Variants in FBXO10 observed in about 807,000 individuals in gnomAD.
FBXO10 encodes the protein F-box protein 10.
In FBXO10, 39 loss-of-function variants were observed where a neutral mutation model predicts 80.7. That is an observed-to-expected ratio of 0.48 (90% CI 0.37 to 0.63). FBXO10 has a LOEUF of 0.63. FBXO10 is among the 30% of genes least tolerant of loss of function. FBXO10 has a pLI of 0.00. For missense variants in FBXO10, 1,025 were observed against 1,269.0 expected (o/e 0.81, Z 2.92); for synonymous variants, 449 against 489.6 (o/e 0.92, Z 1.09).
chr9:37,539,178 G>A lies in FBXO10; in HGVS notation c.586-1235C>T, dbSNP rs538544624. Among the ~76,000 whole-genome samples the A allele has an allele frequency of 2.6e-5, 4 of 152,286 alleles. No individual in the cohort carries two copies. In the East Asian group the frequency reaches 7.7e-4, roughly 29 times the overall value. ...TTTTAAAATTGACCTTTGATAGATTGTCCCAGAATTTAAGCCCCCTTAACT... is the reference window on the plus strand; with the variant it reads ...TTTTAAAATTGACCTTTGATAGATTATCCCAGAATTTAAGCCCCCTTAACT... On this transcript the variant is annotated intron_variant, in intron 2 of 10. Coordinates refer to ENST00000432825, the MANE Select transcript of FBXO10 (RefSeq NM_012166.3).
At chr9:37,519,028 G>A (rs923470268) in intron 8 of FBXO10, among the ~76,000 whole-genome samples, 4 of 151,760 alleles carry the variant, frequency 2.6e-5, no homozygotes, top group Non-Finnish European at 4.4e-5. Flanking sequence ...TTCTGCCTCA[G>A]CCTCCTGAGT....
Position 37,537,245 on chromosome 9 carries a change from C to T in FBXO10, c.1284G>A (p.Gln428=), listed in dbSNP as rs762337515. ...AGAGGCACTTGCGGATGAGGCAGCC[C>T]TGCACGGAGTTGGCCAGTGCCATGG... ...KEAMALANSV[Q]GCLIRKCLFR... is the part of the protein sequence containing the mutation. The change falls in exon 3 of 11, where the codon CAG becomes CAA. Residue 428 remains glutamine, a synonymous_variant. Coordinates refer to ENST00000432825, the MANE Select transcript of FBXO10 (RefSeq NM_012166.3). 4 of 1,613,918 alleles carry T rather than the reference C, an allele frequency of 2.5e-6. No individual in the cohort carries two copies. In the East Asian group the frequency reaches 6.7e-5, roughly 27 times the overall value.
intron 4 of FBXO10, among the ~76,000 whole-genome samples, chr9:37,530,627 T>C (rs181791686): frequency 6.6e-6 from 1 of 152,310 alleles, no homozygotes; most frequent in Admixed American, 6.5e-5. Flanking sequence ...TTTCTTTTTC[T>C]TTTTTTGAGA....
At chr9:37,534,082 C>T (rs80095097) in intron 3 of FBXO10, among the ~76,000 whole-genome samples, 2,990 of 151,950 alleles carry the variant, frequency 0.02, 84 homozygotes, top group African/African-American at 0.068. Context: ...GAACCAAGCC[C>T]CCACGGATAC....
chr9:37,575,122 C>A (rs1312276044), intron 1 of FBXO10, among the ~76,000 whole-genome samples: 2 of 152,096 alleles, frequency 1.3e-5, no homozygotes, highest in African/African-American at 4.8e-5. Flanking sequence ...GACAGTCAAT[C>A]ACCGTACTGT....
In FBXO10 at chr9:37,573,089, G is replaced by A. The variant is rs1822801402; in HGVS notation, c.-7+3122C>T. 1.3e-5 allele frequency among the ~76,000 whole-genome samples: 2 copies of A among 152,136 alleles called. 1 individual carries two copies. The highest frequency in any genetic ancestry group is 2.9e-5 in the Non-Finnish European group (2 of 68,030). ...TCCTGGGGTAGCTATCTTGTTGAAG[G>A]CTGTCATTCCTGAGAATCATCGGTA... On this transcript the variant is annotated intron_variant, in intron 1 of 10. Coordinates refer to ENST00000432825, the MANE Select transcript of FBXO10 (RefSeq NM_012166.3).
intron 1 of FBXO10, among the ~76,000 whole-genome samples, chr9:37,568,737 T>C (rs1187196300): frequency 1.3e-5 from 2 of 151,880 alleles, no homozygotes; most frequent in Non-Finnish European, 2.9e-5. Context: ...TCAGAGTTCA[T>C]GTGGTCTAAG....
In FBXO10 at chr9:37,512,330, A is replaced by G. The variant is rs1564329733; in HGVS notation, c.*217T>C. 6 of 462,300 alleles carry G rather than the reference A, an allele frequency of 1.3e-5. No homozygotes were observed. Among genetic ancestry groups the G allele is most frequent in the Non-Finnish European group, 1.9e-5 (5 of 263,286 alleles). The allele number at this position is 462,300 out of a possible 1,614,324, so 28.6% of individuals were successfully genotyped here. Reference sequence around the variant, plus strand: ...CTTTATAGACTTCGAGTGACTGGAAACCCACCAGCTTCTATCCCTTCTCCC... The same window carrying G: ...CTTTATAGACTTCGAGTGACTGGAAGCCCACCAGCTTCTATCCCTTCTCCC... On this transcript the variant is annotated 3_prime_UTR_variant, in exon 11 of 11. Transcript: ENST00000432825.
intron 1 of FBXO10, among the ~76,000 whole-genome samples, chr9:37,561,937 A>AGATCACTGGTGAAGGTGAGATCACTG (rs1456089399): frequency 1.3e-5 from 2 of 152,162 alleles, no homozygotes; most frequent in Non-Finnish European, 2.9e-5. Flanking sequence ...CTGGTGAAGG[A>AGATCACTGGTGAAGGTGAGATCACTG]GTTAAGAGAG....
chr9:37,537,425 GT>G lies in FBXO10; in HGVS notation c.1103del (p.Asp368AlafsTer3). The G allele has an allele frequency of 6.2e-7, 1 of 1,600,412 alleles. No homozygotes were observed. The highest frequency in any genetic ancestry group is 8.5e-7 in the Non-Finnish European group (1 of 1,173,222). ...LSPSGEDEDE[D>X]QLMYRLSYQV... ...GGTAGGATAGTCTGTACATCAGCTG[GT>G]CCTCATCTTCATCCTCACCGCTGGG... On this transcript the variant is annotated frameshift_variant, in exon 3 of 11. Transcript: ENST00000432825. LOFTEE classifies it high-confidence loss of function.
In FBXO10 at chr9:37,553,012, TTGTGTGTGTGTG is replaced by T. The variant is rs74171513; in HGVS notation, c.-6-11250_-6-11239del. Among the ~76,000 whole-genome samples the T allele has an allele frequency of 4.1e-3, 593 of 144,466 alleles. 5 individuals are homozygous for T. The highest frequency in any genetic ancestry group is 0.012 in the African/African-American group (484 of 39,238). The allele number at this position is 144,466 out of a possible 152,430, so 94.8% of individuals were successfully genotyped here. ...AGACCACAGCAGTGACCAATTCAGG[TTGTGTGTGTGTG>T]TGTGTGTGTGTGTGTGTGTGTGTGT... On this transcript the variant is annotated intron_variant, in intron 1 of 10. Coordinates refer to ENST00000432825, the MANE Select transcript of FBXO10 (RefSeq NM_012166.3).
intron 8 of FBXO10, among the ~76,000 whole-genome samples, chr9:37,520,027 G>A (rs1821291953): frequency 6.6e-6 from 1 of 152,000 alleles, no homozygotes; most frequent in Admixed American, 6.6e-5. Context: ...AGAGATTGAG[G>A]TCTCTCTATG....
chr9:37,518,011 G>A (rs1821228637), intron 9 of FBXO10, 114 bp downstream of exon 9: 8 of 1,115,838 alleles, frequency 7.2e-6, no homozygotes, highest in Admixed American at 4.9e-5. Context: ...GAGGGATACT[G>A]TCCCTTGTAG....
chr9:37,567,746 T>C (rs1822646160), intron 1 of FBXO10, among the ~76,000 whole-genome samples: 1 of 152,048 alleles, frequency 6.6e-6, no homozygotes, highest in African/African-American at 2.4e-5. Context: ...GCCAGGCTGG[T>C]CTTGAACTCC....
intron 5 of FBXO10, 48 bp downstream of exon 5, chr9:37,529,075 GA>G (rs780574347): frequency 1.2e-6 from 2 of 1,610,616 alleles, no homozygotes; most frequent in Admixed American, 3.3e-5. Flanking sequence ...ATGGAGGAGA[GA>G]CAGGGAGGAG....
rs149651132 is a variant in FBXO10, at chr9:37,572,480, C to T, written c.-7+3731G>A. 1.6e-3 allele frequency among the ~76,000 whole-genome samples: 249 copies of T among 152,270 alleles called. 3 individuals are homozygous for T. Among genetic ancestry groups the T allele is most frequent in the Non-Finnish European group, 4.3e-4 (29 of 68,014 alleles). On this transcript the variant is annotated intron_variant, in intron 1 of 10. Coordinates refer to ENST00000432825, the MANE Select transcript of FBXO10 (RefSeq NM_012166.3). ...ATTGTGACACAGCCATACCATGAAA[C>T]ACTGTTGGCAACGAAAATAAGTGAG... is the stretch of plus-strand genomic sequence containing the variant.
At chr9:37,533,646 G>A (rs1014315353) in intron 3 of FBXO10, among the ~76,000 whole-genome samples, 8 of 151,710 alleles carry the variant, frequency 5.3e-5, no homozygotes, top group Admixed American at 3.9e-4. Context: ...TGAGGCGGGC[G>A]GATCACCTGA....
chr9:37,540,143 G>A (rs1821873394), intron 2 of FBXO10, among the ~76,000 whole-genome samples: 1 of 151,944 alleles, frequency 6.6e-6, no homozygotes, highest in South Asian at 2.1e-4. Context: ...TTACAAACAT[G>A]AGAGACAATT....
intron 3 of FBXO10, among the ~76,000 whole-genome samples, chr9:37,533,740 C>T (rs1240791398): frequency 6.6e-6 from 1 of 151,854 alleles, no homozygotes; most frequent in East Asian, 1.9e-4. Context: ...GGCGTGGTGG[C>T]TCATGCCTGT....
Sources: gnomAD v4.1 joint callset for allele counts (sites outside exome capture counted in the v4.1 genomes callset) on GRCh38, gnomAD v4.1.1 for gene constraint, MANE v1.5 for transcripts, NCBI Gene and HGNC (gene_info 2026-07-23, HGNC 2026-07-21) for gene names.